Variants in PLXDC2 observed in about 807,000 individuals in gnomAD.
PLXDC2 encodes the protein plexin domain containing 2, also known as plexin domain-containing protein 2.
PLXDC2 carries 40 observed loss-of-function variants against 68.9 expected under a neutral mutation model. The observed-to-expected ratio is 0.58, with a 90% CI of 0.45 to 0.76. PLXDC2 has a LOEUF of 0.76. PLXDC2 is among the 30% of genes least tolerant of loss of function. The pLI is 0.00. For missense variants in PLXDC2, 644 were observed against 661.9 expected (o/e 0.97, Z 0.30); for synonymous variants, 243 against 234.2 (o/e 1.04, Z -0.34).
At chr10:20,181,955 T>C (rs1395312719) in intron 9 of PLXDC2, among the ~76,000 whole-genome samples, 3 of 151,850 alleles carry the variant, frequency 2.0e-5, no homozygotes, top group Non-Finnish European at 4.4e-5. Flanking sequence ...AAGAGGCTGG[T>C]AGTGAGCTTG....
At chr10:20,092,344 A>G (rs1833291085) in intron 4 of PLXDC2, among the ~76,000 whole-genome samples, 2 of 152,170 alleles carry the variant, frequency 1.3e-5, no homozygotes, top group African/African-American at 2.4e-5. Flanking sequence ...GAGGAAATGT[A>G]TGCTATTGAC....
At chr10:20,016,333 C>T (rs1223155492) in intron 2 of PLXDC2, among the ~76,000 whole-genome samples, 2 of 152,178 alleles carry the variant, frequency 1.3e-5, no homozygotes, top group Non-Finnish European at 2.9e-5. Flanking sequence ...AACCAAGACT[C>T]ATTTGTGGTT....
chr10:20,265,147 A>G (rs899667334), intron 13 of PLXDC2, among the ~76,000 whole-genome samples: 8 of 152,206 alleles, frequency 5.3e-5, no homozygotes, highest in Non-Finnish European at 1.0e-4. Context: ...TATCCAGCAA[A>G]ACTGACCATT....
intron 1 of PLXDC2, among the ~76,000 whole-genome samples, chr10:19,899,874 G>T (rs1437306558): frequency 2.0e-5 from 3 of 152,028 alleles, no homozygotes; most frequent in Non-Finnish European, 1.5e-5. Flanking sequence ...CTAATTTTAT[G>T]TTAACTTCAA....
At chr10:19,999,943 C>T (rs757093011) in intron 1 of PLXDC2, among the ~76,000 whole-genome samples, 11 of 152,190 alleles carry the variant, frequency 7.2e-5, no homozygotes, top group Non-Finnish European at 1.5e-4. Context: ...AGAATTATGC[C>T]GGATCATACA....
chr10:20,229,605 G>A (rs953896894), intron 12 of PLXDC2, among the ~76,000 whole-genome samples: 5 of 149,366 alleles, frequency 3.3e-5, no homozygotes, highest in African/African-American at 9.8e-5. Context: ...ATGCTTTAAA[G>A]AGAGTAGTTT....
At chr10:20,232,108 A>G (rs1264731566) in intron 12 of PLXDC2, among the ~76,000 whole-genome samples, 1 of 152,232 alleles carries the variant, frequency 6.6e-6, no homozygotes, top group African/African-American at 2.4e-5. Flanking sequence ...CTTATATTAC[A>G]AAGGACTTGT....
chr10:20,068,128 C>T, intron 3 of PLXDC2, 42 bp from the exon 4 acceptor site: 2 of 1,520,018 alleles, frequency 1.3e-6, no homozygotes. Context: ...ATTGACTATG[C>T]TACACATTAT....
chr10:19,880,671 C>G (rs11592226), intron 1 of PLXDC2, among the ~76,000 whole-genome samples: 2 of 152,214 alleles, frequency 1.3e-5, no homozygotes, highest in African/African-American at 4.8e-5. Context: ...GTATTCAGTA[C>G]TTTCCATGAG....
intron 4 of PLXDC2, among the ~76,000 whole-genome samples, chr10:20,094,788 T>C (rs553838545): frequency 6.6e-6 from 1 of 152,316 alleles, no homozygotes; most frequent in African/African-American, 2.4e-5. Context: ...AATATTGAGA[T>C]CATTCATGTG....
intron 2 of PLXDC2, among the ~76,000 whole-genome samples, chr10:20,041,085 G>T (rs1049666364): frequency 6.6e-6 from 1 of 152,096 alleles, no homozygotes; most frequent in African/African-American, 2.4e-5. Flanking sequence ...ACCATCAGAA[G>T]ATTTGCTATA....
At chr10:20,137,942 C>G (rs778542939) in intron 4 of PLXDC2, among the ~76,000 whole-genome samples, 6 of 152,170 alleles carry the variant, frequency 3.9e-5, no homozygotes, top group Non-Finnish European at 7.3e-5. Context: ...GGGATGACAT[C>G]TGGTCCAGGG....
At chr10:19,837,407 AGAGTGTGTGTGTGTGTGT>A (rs1836819756) in intron 1 of PLXDC2, among the ~76,000 whole-genome samples, 1 of 87,552 alleles carries the variant, frequency 1.1e-5, no homozygotes, top group African/African-American at 4.3e-5. Flanking sequence ...AGAGAGAGAG[AGAGTGTGTGTGTGTGTGT>A]GTGTGTGTGT....
intron 2 of PLXDC2, among the ~76,000 whole-genome samples, chr10:20,011,857 T>TA (rs1835119822): frequency 1.3e-5 from 2 of 152,340 alleles, no homozygotes; most frequent in South Asian, 4.1e-4. Flanking sequence ...GTACAAAGAC[T>TA]AATGCCAGTT....
intron 6 of PLXDC2, among the ~76,000 whole-genome samples, chr10:20,149,999 A>G (rs930030076): frequency 3.3e-5 from 5 of 152,154 alleles, no homozygotes; most frequent in African/African-American, 1.2e-4. Context: ...CAGAGTTTGA[A>G]CATACTCTTC....
At chr10:20,044,488 A>G (rs1010912866) in intron 2 of PLXDC2, among the ~76,000 whole-genome samples, 1 of 151,334 alleles carries the variant, frequency 6.6e-6, no homozygotes, top group Non-Finnish European at 1.5e-5. Flanking sequence ...TTTTGTATTT[A>G]TAGCGGAGAC....
chr10:19,868,237 C>T (rs141989974), intron 1 of PLXDC2, among the ~76,000 whole-genome samples: 6 of 151,960 alleles, frequency 3.9e-5, no homozygotes, highest in Admixed American at 1.3e-4. Flanking sequence ...GCATAATACC[C>T]GATAGGTAGT....
chr10:19,987,562 G>GT (rs762882608), intron 1 of PLXDC2, among the ~76,000 whole-genome samples: 42 of 16,828 alleles, frequency 2.5e-3, no homozygotes, highest in East Asian at 8.0e-3. Context: ...GTTTTGTTTT[G>GT]TTTTTTTTTC....
rs181129397 is a variant in PLXDC2, at chr10:20,126,216, T to C, written c.542-17079T>C. Among the ~76,000 whole-genome samples the C allele has an allele frequency of 2.4e-3, 359 of 147,076 alleles. 2 individuals are homozygous for C. Among genetic ancestry groups the C allele is most frequent in the African/African-American group, 8.2e-3 (333 of 40,538 alleles). Reference sequence around the variant, plus strand: ...ATATATGTATACACACACATATATGTTATATAATACATATACGTTGTATAA... The same window carrying C: ...ATATATGTATACACACACATATATGCTATATAATACATATACGTTGTATAA... On this transcript the variant is annotated intron_variant, in intron 4 of 13. Coordinates refer to ENST00000377252, the MANE Select transcript of PLXDC2 (RefSeq NM_032812.9).
Sources: allele counts gnomAD v4.1 joint callset (sites outside exome capture counted in the v4.1 genomes callset), GRCh38; gene constraint gnomAD v4.1.1; transcripts MANE v1.5; gene names NCBI Gene and HGNC (gene_info 2026-07-23, HGNC 2026-07-21).